Variants in UGT2A2 observed in about 807,000 individuals in gnomAD.
UGT2A2 encodes the protein UDP-glucuronosyltransferase 2A2.
In UGT2A2, 60 loss-of-function variants were observed where a neutral mutation model predicts 50.7. That is an observed-to-expected ratio of 1.18 (90% CI 0.96 to 1.47). The LOEUF (loss-of-function observed/expected upper bound fraction) is 1.47, where lower values mean the gene tolerates loss of function less well. Ranked by LOEUF, UGT2A2 falls within the 40% of genes most tolerant of loss-of-function variation. The probability of loss-of-function intolerance (pLI) is 0.00; values close to 1 mark genes in which losing one functional copy is unlikely to be tolerated. For synonymous variants in UGT2A2, 242 were observed against 214.6 expected (o/e 1.13, Z -1.11); for missense variants, 762 against 634.0 (o/e 1.20, Z -2.17).
In UGT2A2 at chr4:69,597,177, T is replaced by C. The variant is rs915087115; in HGVS notation, c.892-796A>G. Reference sequence around the variant, plus strand: ...TCAACTGTATGCCTCCTTTGATTCATAGGTCTAAGAAAAAATTTGTTTAAA... The same window carrying C: ...TCAACTGTATGCCTCCTTTGATTCACAGGTCTAAGAAAAAATTTGTTTAAA... On this transcript the variant is annotated intron_variant, in intron 2 of 5. Transcript: ENST00000604629. Among the ~76,000 whole-genome samples the C allele has an allele frequency of 4.6e-4, 70 of 152,184 alleles. 1 individual carries two copies. The highest frequency in any genetic ancestry group is 1.7e-3 in the African/African-American group (70 of 41,430).
chr4:69,634,132 C>T (rs1721542664), intron 1 of UGT2A2, among the ~76,000 whole-genome samples: 1 of 151,994 alleles, frequency 6.6e-6, no homozygotes, highest in African/African-American at 2.4e-5. Flanking sequence ...GTAGTCCCAG[C>T]TACTCCGGAG....
chr4:69,597,321 G>C (rs1019401987), intron 2 of UGT2A2, among the ~76,000 whole-genome samples: 2 of 152,144 alleles, frequency 1.3e-5, no homozygotes, highest in African/African-American at 4.8e-5. Context: ...GCTGCCATGA[G>C]TGTGATGTTA....
intron 1 of UGT2A2, among the ~76,000 whole-genome samples, chr4:69,607,246 G>A (rs1442255185): frequency 6.7e-6 from 1 of 149,278 alleles, no homozygotes; most frequent in Non-Finnish European, 1.5e-5. Context: ...ACAGAACAGA[G>A]CCCTCAGAAA....
At chr4:69,598,378 T>C (rs1037246074) in intron 2 of UGT2A2, among the ~76,000 whole-genome samples, 1 of 152,182 alleles carries the variant, frequency 6.6e-6, no homozygotes, top group African/African-American at 2.4e-5. Context: ...CTACCATGTG[T>C]ACCTGTACTC....
chr4:69,599,225 C>A, intron 2 of UGT2A2, 21 bp downstream of exon 2: 1 of 1,588,458 alleles, frequency 6.3e-7, no homozygotes, highest in Non-Finnish European at 8.5e-7. Context: ...AGCATAAAAT[C>A]CTCCACTGTT....
intron 5 of UGT2A2, among the ~76,000 whole-genome samples, chr4:69,590,980 A>G (rs552288879): frequency 6.6e-5 from 10 of 152,224 alleles, no homozygotes; most frequent in Admixed American, 1.3e-4. Flanking sequence ...ACACATCCAT[A>G]TATATACTCT....
Position 69,589,322 on chromosome 4 carries a change from T to C in UGT2A2, c.*50A>G. ...TCTGGAATTAATAGGACTACACTACTCAGGATTTTGCCAAACTTAAAAATA... is the reference window on the plus strand; with the variant it reads ...TCTGGAATTAATAGGACTACACTACCCAGGATTTTGCCAAACTTAAAAATA... On this transcript the variant is annotated 3_prime_UTR_variant, in exon 6 of 6. Coordinates refer to ENST00000604629, the MANE Select transcript of UGT2A2 (RefSeq NM_001105677.2). The C allele has an allele frequency of 6.6e-7, 1 of 1,518,250 alleles. No homozygotes were observed. Among genetic ancestry groups the C allele is most frequent in the South Asian group, 1.3e-5 (1 of 75,934 alleles). The allele number at this position is 1,518,250 out of a possible 1,614,324, so 94.0% of individuals were successfully genotyped here. A position where few individuals can be genotyped will look rare whatever the true frequency, so the allele number is the denominator to read the frequency against.
chr4:69,617,498 G>A (rs1331012846), intron 1 of UGT2A2, among the ~76,000 whole-genome samples: 1 of 151,718 alleles, frequency 6.6e-6, no homozygotes, highest in Non-Finnish European at 1.5e-5. Flanking sequence ...AAACCAAGAT[G>A]AACACACACA....
At position 69,639,585 on chromosome 4, in the gene UGT2A2, A is replaced by G; in HGVS notation, c.56T>C (p.Phe19Ser). The G allele has an allele frequency of 6.2e-7, 1 of 1,610,182 alleles. No individual in the cohort carries two copies. Among genetic ancestry groups the G allele is most frequent in the Non-Finnish European group, 8.5e-7 (1 of 1,178,448 alleles). The change falls in exon 1 of 6, where the codon TTT (phenylalanine) becomes TCT (serine). Residue 19 changes from phenylalanine to serine, a missense_variant. By Grantham distance (155) the Phe-to-Ser change is radical. Coordinates refer to ENST00000604629, the MANE Select transcript of UGT2A2 (RefSeq NM_001105677.2). ...MPKKFVQMLVFNLTLTEVVLS... is the reference protein window; with the variant it reads ...MPKKFVQMLVSNLTLTEVVLS... ...AACAACTTCAGTCAGAGTCAAATTA[A>G]AAACCAGCATCTGGACAAACTTCTT...
At chr4:69,595,443 C>T (rs4148303) in intron 3 of UGT2A2, among the ~76,000 whole-genome samples, 194 bp from the exon 4 acceptor site, 98,131 of 152,000 alleles carry the variant, frequency 0.65, 32,024 homozygotes, top group East Asian at 0.74. Flanking sequence ...TAATAGTCTA[C>T]CAAGTATAGT....
chr4:69,621,905 C>T (rs1057377350), intron 1 of UGT2A2, among the ~76,000 whole-genome samples: 1 of 151,630 alleles, frequency 6.6e-6, no homozygotes, highest in Non-Finnish European at 1.5e-5. Flanking sequence ...CTAATGCAGA[C>T]ACAGAACACC....
At chr4:69,621,621 T>A (rs12507278) in intron 1 of UGT2A2, among the ~76,000 whole-genome samples, 55,272 of 151,736 alleles carry the variant, frequency 0.36, 10,614 homozygotes, top group East Asian at 0.6. Context: ...AAAACAGAAC[T>A]ACCATTAAAC....
chr4:69,618,761 A>T (rs1195593145), intron 1 of UGT2A2, among the ~76,000 whole-genome samples: 1 of 151,980 alleles, frequency 6.6e-6, no homozygotes, highest in Admixed American at 6.6e-5. Context: ...AGTATACTCC[A>T]ATACCTTTAT....
chr4:69,605,600 C>A lies in UGT2A2; in HGVS notation c.743-6206G>T, dbSNP rs1560473896. Among the ~76,000 whole-genome samples the A allele has an allele frequency of 1.4e-4, 19 of 136,002 alleles. 2 individuals are homozygous for A. The allele number at this position is 136,002 out of a possible 152,430, so 89.2% of individuals were successfully genotyped here. A position where few individuals can be genotyped will look rare whatever the true frequency, so the allele number is the denominator to read the frequency against. On this transcript the variant is annotated intron_variant, in intron 1 of 5. Coordinates refer to ENST00000604629, the MANE Select transcript of UGT2A2 (RefSeq NM_001105677.2). ...AGCAGAACTGAAGGAAATAGAGACA[C>A]AAAAAACCCTTTAAAAAATCAATGA...
At chr4:69,594,741 A>G in intron 4 of UGT2A2, 45 bp from the exon 5 acceptor site, 1 of 1,574,772 alleles carries the variant, frequency 6.4e-7, no homozygotes, top group South Asian at 1.1e-5. Context: ...ATAATAACAC[A>G]TTAGCAGAAT....
chr4:69,611,915 C>A (rs750703936), intron 1 of UGT2A2, among the ~76,000 whole-genome samples: 25 of 152,140 alleles, frequency 1.6e-4, no homozygotes, highest in Admixed American at 3.3e-4. Context: ...AATCTACCCT[C>A]ACTCTTACAA....
Position 69,594,648 on chromosome 4 carries a change from A to G in UGT2A2, c.1160T>C (p.Ile387Thr), listed in dbSNP as rs1470469921. 6.2e-7 allele frequency: 1 copy of G among 1,614,140 alleles called. No individual in the cohort carries two copies. The highest frequency in any genetic ancestry group is 8.5e-7 in the Non-Finnish European group (1 of 1,180,026). Residue 387 changes from isoleucine (I) to threonine (T), a missense_variant, in exon 5 of 6, where the codon ATC becomes ACC. Transcript: ENST00000604629. ...GACTCCGTGGTAAATAGCTTCGTAGATCCCATTAGTTCCACCATGAGTGAT... is the reference window on the plus strand; with the variant it reads ...GACTCCGTGGTAAATAGCTTCGTAGGTCCCATTAGTTCCACCATGAGTGAT... ...AFITHGGTNG[I>T]YEAIYHGVPM...
intron 1 of UGT2A2, among the ~76,000 whole-genome samples, chr4:69,610,676 C>T (rs1719982717): frequency 6.6e-6 from 1 of 152,056 alleles, no homozygotes; most frequent in African/African-American, 2.4e-5. Flanking sequence ...TGACTAGTGT[C>T]CTTCCAAGAA....
At chr4:69,615,410 G>A (rs1317983203) in intron 1 of UGT2A2, among the ~76,000 whole-genome samples, 3 of 151,848 alleles carry the variant, frequency 2.0e-5, no homozygotes. Flanking sequence ...GCACATTAAA[G>A]AAAACAATCA....
Sources: allele counts gnomAD v4.1 joint callset (sites outside exome capture counted in the v4.1 genomes callset), GRCh38; gene constraint gnomAD v4.1.1; transcripts MANE v1.5; gene names NCBI Gene and HGNC (gene_info 2026-07-23, HGNC 2026-07-21).